Variants in DENND5B observed in about 807,000 individuals in gnomAD.
DENND5B encodes the protein DENN domain containing 5B, also known as DENN domain-containing protein 5B.
DENND5B carries 34 observed loss-of-function variants against 140.6 expected under a neutral mutation model. The ratio of observed to expected loss-of-function variants is 0.24; its 90% CI spans 0.18 to 0.32. The LOEUF is 0.32. DENND5B is among the 10% of genes least tolerant of loss of function. The probability of loss-of-function intolerance (pLI) is 1.00; values close to 1 mark genes in which losing one functional copy is unlikely to be tolerated. For missense variants in DENND5B, 1,142 were observed against 1,560.2 expected (o/e 0.73, Z 4.52); for synonymous variants, 551 against 562.1 (o/e 0.98, Z 0.28).
chr12:31,434,450 GC>G (rs1490069003), intron 7 of DENND5B, among the ~76,000 whole-genome samples: 1 of 152,154 alleles, frequency 6.6e-6, no homozygotes, highest in African/African-American at 2.4e-5. Context: ...GATGTAAGTT[GC>G]CTTCCAGCTC....
At chr12:31,538,872 A>G (rs7302695) in intron 1 of DENND5B, among the ~76,000 whole-genome samples, 58,104 of 151,844 alleles carry the variant, frequency 0.38, 11,963 homozygotes, top group East Asian at 0.57. Flanking sequence ...TCATCTCAAA[A>G]TACAAAACAA....
intron 1 of DENND5B, chr12:31,506,332 T>A (rs1370461224): frequency 6.6e-6 from 1 of 151,960 alleles, no homozygotes; most frequent in African/African-American, 2.4e-5. Context: ...GCAGTGGGAG[T>A]GGAGAAGGAA....
chr12:31,429,297 C>A (rs1310963199), intron 8 of DENND5B, among the ~76,000 whole-genome samples: 5 of 152,138 alleles, frequency 3.3e-5, no homozygotes, highest in Admixed American at 6.5e-5. Context: ...ATGAGCCACC[C>A]TGCCCAGCGA....
At chr12:31,542,747 G>C (rs1371107946) in intron 1 of DENND5B, among the ~76,000 whole-genome samples, 1 of 152,152 alleles carries the variant, frequency 6.6e-6, no homozygotes, top group Non-Finnish European at 1.5e-5. Context: ...TTTGAGCCCA[G>C]GAGTTTGAGA....
chr12:31,514,966 A>AAT (rs1555166756), intron 1 of DENND5B, among the ~76,000 whole-genome samples: 3 of 151,740 alleles, frequency 2.0e-5, no homozygotes, highest in African/African-American at 7.2e-5. Context: ...AAAAAAAAAA[A>AAT]TTTTTTTTTA....
At chr12:31,461,380 GT>G (rs983638398) in intron 3 of DENND5B, among the ~76,000 whole-genome samples, 38 of 152,204 alleles carry the variant, frequency 2.5e-4, no homozygotes, top group African/African-American at 7.9e-4. Context: ...TTTTTGTTAT[GT>G]TTTATTTACA....
At chr12:31,490,052 A>G (rs1591907903) in intron 2 of DENND5B, among the ~76,000 whole-genome samples, 2 of 152,262 alleles carry the variant, frequency 1.3e-5, no homozygotes, top group Non-Finnish European at 2.9e-5. Context: ...AACTGATTAT[A>G]TATGGGAGAG....
chr12:31,451,903 C>T, intron 5 of DENND5B, 37 bp downstream of exon 5: 1 of 1,605,880 alleles, frequency 6.2e-7, no homozygotes, highest in African/African-American at 1.3e-5. Flanking sequence ...AATAAAGCCA[C>T]TAATAACCAC....
chr12:31,579,093 C>T (rs1172471097), intron 1 of DENND5B, among the ~76,000 whole-genome samples: 1 of 152,134 alleles, frequency 6.6e-6, no homozygotes, highest in Non-Finnish European at 1.5e-5. Flanking sequence ...TAGCTTTCTG[C>T]ATGAGTGATA....
At chr12:31,570,103 G>A (rs918376759) in intron 1 of DENND5B, among the ~76,000 whole-genome samples, 1 of 143,914 alleles carries the variant, frequency 6.9e-6, no homozygotes, top group Non-Finnish European at 1.5e-5. Context: ...GCTGAGGCAG[G>A]AGAATCACTG....
At chr12:31,418,773 T>C (rs1423377011) in intron 11 of DENND5B, among the ~76,000 whole-genome samples, 2 of 151,988 alleles carry the variant, frequency 1.3e-5, no homozygotes, top group African/African-American at 4.8e-5. Context: ...CCAGAAGTAA[T>C]CATGCCTCTT....
Position 31,436,400 on chromosome 12 carries a change from C to T in DENND5B, c.2013-3152G>A, listed in dbSNP as rs185210936. ...ACAGGCATGAGCTACCGTGCCCAAT[C>T]CTAAAAATCCTCTTGATGAAGCCAC... is the stretch of plus-strand genomic sequence containing the variant. On this transcript the variant is annotated intron_variant, in intron 7 of 20. Transcript: ENST00000389082. Among the ~76,000 whole-genome samples, 312 of 151,674 alleles carry T rather than the reference C, an allele frequency of 2.1e-3. 2 individuals are homozygous for T. The highest frequency in any genetic ancestry group is 5.6e-3 in the Admixed American group (85 of 15,190).
chr12:31,405,373 C>G (rs535560281), intron 14 of DENND5B, among the ~76,000 whole-genome samples: 2 of 151,942 alleles, frequency 1.3e-5, no homozygotes, highest in African/African-American at 4.8e-5. Flanking sequence ...TGCACCACTA[C>G]GCCCAGCTAT....
intron 14 of DENND5B, among the ~76,000 whole-genome samples, chr12:31,405,904 G>A (rs1942106225): frequency 6.6e-6 from 1 of 151,738 alleles, no homozygotes; most frequent in South Asian, 2.1e-4. Flanking sequence ...CGAGTGCAGT[G>A]GGGCGATTTC....
intron 1 of DENND5B, among the ~76,000 whole-genome samples, chr12:31,515,674 T>C (rs1947607882): frequency 6.6e-6 from 1 of 152,236 alleles, no homozygotes; most frequent in South Asian, 2.1e-4. Flanking sequence ...TTCAATTATA[T>C]ACAATTAATC....
intron 1 of DENND5B, among the ~76,000 whole-genome samples, chr12:31,515,173 T>G (rs928548665): frequency 6.6e-6 from 1 of 152,070 alleles, no homozygotes; most frequent in Non-Finnish European, 1.5e-5. Context: ...AGTGTGGTGG[T>G]GCATGTCTGC....
At chr12:31,568,565 G>A (rs1354475355) in intron 1 of DENND5B, among the ~76,000 whole-genome samples, 2 of 152,182 alleles carry the variant, frequency 1.3e-5, no homozygotes, top group Non-Finnish European at 2.9e-5. Context: ...GAAGGCTAGA[G>A]GAGGAAAGTT....
rs536294217 is a variant in DENND5B, at chr12:31,591,113, C to A, written c.-281G>T. 0.011 allele frequency: 1,747 copies of A among 153,542 alleles called. 20 individuals carry two copies. Among genetic ancestry groups the A allele is most frequent in the East Asian group, 0.032 (165 of 5,126 alleles). 9.5% of individuals were successfully genotyped at this position (153,542 alleles called of 1,614,324 possible). A position where few individuals can be genotyped will look rare whatever the true frequency, so the allele number is the denominator to read the frequency against. On this transcript the variant is annotated 5_prime_UTR_variant, in exon 1 of 21. Coordinates refer to ENST00000389082, the MANE Select transcript of DENND5B (RefSeq NM_144973.4). The stretch of plus-strand genomic sequence containing the variant: ...AGGCCCTCGCAGCCGCAGCTGCGCT[C>A]GCGAGCTGAGAGCCGCCGCGTCTGG...
Position 31,387,717 on chromosome 12 carries a change from C to T in DENND5B, c.3711G>A (p.Glu1237=), listed in dbSNP as rs771599900. Residue 1237 remains glutamate (E), a synonymous_variant, in exon 21 of 21, where the codon GAG becomes GAA. Transcript: ENST00000389082. The stretch of plus-strand genomic sequence containing the variant: ...TCATGCGGTCTCGCAGGAGAGCGCT[C>T]TCTTCATACATTCGAGTGATGGCAG... The part of the protein sequence containing the change: ...ECPAITRMYE[E]SALLRDRMTV... 1 of 1,614,034 alleles carries T rather than the reference C, an allele frequency of 6.2e-7. No homozygotes were observed. The highest frequency in any genetic ancestry group is 2.2e-5 in the East Asian group (1 of 44,886).
Sources: gnomAD v4.1 joint callset for allele counts (sites outside exome capture counted in the v4.1 genomes callset) on GRCh38, gnomAD v4.1.1 for gene constraint, MANE v1.5 for transcripts, NCBI Gene and HGNC (gene_info 2026-07-23, HGNC 2026-07-21) for gene names.